NREP: variants seen among roughly 807,000 people sequenced by gnomAD.
NREP encodes neuronal regeneration-related protein.
Under a neutral mutation model 8.6 loss-of-function variants are expected in NREP, and 5 were observed. That is an observed-to-expected ratio of 0.58 (90% CI 0.30 to 1.22). The LOEUF (loss-of-function observed/expected upper bound fraction) is 1.22, where lower values mean the gene tolerates loss of function less well. NREP is among the 50% of genes most tolerant of loss of function. NREP has a pLI of 0.07. For synonymous variants in NREP, 27 were observed against 28.0 expected (o/e 0.96, Z 0.11); for missense variants, 86 against 82.5 (o/e 1.04, Z -0.17).
At chr5:111,748,058 G>A (rs549693926) in intron 2 of NREP, among the ~76,000 whole-genome samples, 30 of 152,106 alleles carry the variant, frequency 2.0e-4, no homozygotes, top group African/African-American at 3.9e-4. Context: ...GCATAGTGGC[G>A]CCCCACAGCC....
chr5:111,762,779 T>C (rs1481271652), intron 2 of NREP, among the ~76,000 whole-genome samples: 1 of 152,218 alleles, frequency 6.6e-6, no homozygotes, highest in Non-Finnish European at 1.5e-5. Flanking sequence ...TCTGTGGTAC[T>C]TTGTTATCGC....
intron 2 of NREP, among the ~76,000 whole-genome samples, chr5:111,956,702 G>T (rs1014307444): frequency 1.3e-5 from 2 of 152,098 alleles, no homozygotes; most frequent in Non-Finnish European, 1.5e-5. Flanking sequence ...GGTGGTTCAT[G>T]CCTATAATCC....
chr5:111,736,481 A>C (rs1236984351), intron 2 of NREP, among the ~76,000 whole-genome samples: 2 of 152,172 alleles, frequency 1.3e-5, no homozygotes, highest in Non-Finnish European at 2.9e-5. Flanking sequence ...AACAATTAAG[A>C]GTCACACCTC....
chr5:111,949,323 G>C (rs944381165), intron 2 of NREP, among the ~76,000 whole-genome samples: 11 of 151,836 alleles, frequency 7.2e-5, no homozygotes, highest in African/African-American at 2.7e-4. Context: ...CTGCAGTCTA[G>C]TGCACAGGAA....
intron 2 of NREP, among the ~76,000 whole-genome samples, chr5:111,891,800 A>G (rs1037177836): frequency 6.6e-6 from 1 of 152,176 alleles, no homozygotes; most frequent in African/African-American, 2.4e-5. Flanking sequence ...CTCACTCGCT[A>G]TCGTGAGGAC....
At chr5:111,736,187 C>T (rs767760192) in intron 2 of NREP, among the ~76,000 whole-genome samples, 8 of 152,128 alleles carry the variant, frequency 5.3e-5, no homozygotes, top group Non-Finnish European at 1.2e-4. Context: ...TGTTCTCCAT[C>T]TTCAAGTAAT....
intron 2 of NREP, among the ~76,000 whole-genome samples, chr5:111,817,804 CAAAAAAAAAA>C (rs145517030): frequency 1.8e-5 from 1 of 56,444 alleles, no homozygotes; most frequent in Non-Finnish European, 3.5e-5. Context: ...GACTTCATCT[CAAAAAAAAAA>C]AAAAAAAAAA....
intron 2 of NREP, among the ~76,000 whole-genome samples, chr5:111,855,336 A>C (rs1753402271): frequency 6.6e-6 from 1 of 152,192 alleles, no homozygotes; most frequent in Non-Finnish European, 1.5e-5. Context: ...ATACATGATA[A>C]TTTGTTCTAG....
chr5:111,764,396 A>G (rs1751033310), intron 2 of NREP, among the ~76,000 whole-genome samples: 1 of 152,250 alleles, frequency 6.6e-6, no homozygotes, highest in Admixed American at 6.5e-5. Context: ...TTATAGTTCC[A>G]CATGGCTGGA....
intron 1 of NREP, among the ~76,000 whole-genome samples, chr5:111,975,641 C>G (rs1756941984): frequency 6.6e-6 from 1 of 152,090 alleles, no homozygotes; most frequent in Non-Finnish European, 1.5e-5. Flanking sequence ...AATGGTTATA[C>G]TAAAAATGCA....
At chr5:111,820,630 T>C (rs1752494958) in intron 2 of NREP, among the ~76,000 whole-genome samples, 1 of 152,104 alleles carries the variant, frequency 6.6e-6, no homozygotes, top group African/African-American at 2.4e-5. Context: ...CATAAATATG[T>C]TACATTATTG....
At chr5:111,731,172 C>CTGTT (rs945298372) in intron 3 of NREP, 126 bp from the exon 4 acceptor site, 1 of 951,324 alleles carries the variant, frequency 1.1e-6, no homozygotes, top group African/African-American at 1.7e-5. Context: ...TGAACTCTTG[C>CTGTT]TGTTTTGCAA....
rs376142772 is a variant in NREP at position 111,940,877 on chromosome 5, T to A, written c.135+34397A>T. ...TTTTGGTTATAGTACAGTGAAAGGA[T>A]ACAGATTAAAAATCAGCCAAAGGGA... On this transcript the variant is annotated intron_variant, in intron 2 of 3. Coordinates refer to the NREP transcript ENST00000395634. Among the ~76,000 whole-genome samples the A allele has an allele frequency of 8.4e-4, 128 of 152,172 alleles. 3 individuals are homozygous for A. In the South Asian group the frequency reaches 0.023, roughly 27 times the overall value.
At chr5:111,806,120 A>G (rs1752135213) in intron 2 of NREP, among the ~76,000 whole-genome samples, 1 of 152,088 alleles carries the variant, frequency 6.6e-6, no homozygotes, top group Non-Finnish European at 1.5e-5. Flanking sequence ...TGGGTTTGAA[A>G]TTTTTCAAAA....
intron 2 of NREP, among the ~76,000 whole-genome samples, chr5:111,836,363 G>A (rs1752893753): frequency 6.6e-6 from 1 of 151,994 alleles, no homozygotes; most frequent in African/African-American, 2.4e-5. Flanking sequence ...AGGGGTGTGG[G>A]TGAGGAAGGT....
At chr5:111,795,336 C>G (rs1329631484) in intron 2 of NREP, among the ~76,000 whole-genome samples, 1 of 152,190 alleles carries the variant, frequency 6.6e-6, no homozygotes, top group African/African-American at 2.4e-5. Context: ...GATGATTTTG[C>G]TGACTCTGCT....
chr5:111,894,291 T>G (rs910303071), intron 2 of NREP, among the ~76,000 whole-genome samples: 1 of 152,064 alleles, frequency 6.6e-6, no homozygotes, highest in Non-Finnish European at 1.5e-5. Context: ...AGTTCAAGTG[T>G]AGGGTATTGA....
At chr5:111,926,867 C>T (rs911165022) in intron 2 of NREP, among the ~76,000 whole-genome samples, 1 of 151,442 alleles carries the variant, frequency 6.6e-6, no homozygotes, top group African/African-American at 2.4e-5. Flanking sequence ...GCAAGTGTGA[C>T]TATTTCTGCC....
chr5:111,947,575 C>A (rs552192650), intron 2 of NREP, among the ~76,000 whole-genome samples: 1 of 151,970 alleles, frequency 6.6e-6, no homozygotes, highest in African/African-American at 2.4e-5. Flanking sequence ...ATTATCACAA[C>A]AAACCTATGA....
Sources: allele counts gnomAD v4.1 joint callset (sites outside exome capture counted in the v4.1 genomes callset), GRCh38; gene constraint gnomAD v4.1.1; transcripts MANE v1.5; gene names NCBI Gene and HGNC (gene_info 2026-07-23, HGNC 2026-07-21).